Variants in RALYL observed in about 807,000 individuals in gnomAD.
RALYL encodes the protein RALY RNA binding protein like, also known as RNA-binding Raly-like protein.
RALYL carries 29 observed loss-of-function variants against 35.1 expected under a neutral mutation model. The observed-to-expected ratio is 0.83, with a 90% CI of 0.61 to 1.13. RALYL has a LOEUF of 1.13. Among genes scored for constraint, RALYL ranks in the 50% most tolerant of loss-of-function variants. RALYL has a pLI of 0.00. For missense variants in RALYL, 359 were observed against 360.4 expected (o/e 1.00, Z 0.03); for synonymous variants, 120 against 127.6 (o/e 0.94, Z 0.40).
intron 1 of RALYL, among the ~76,000 whole-genome samples, chr8:84,484,263 A>T (rs569335192): frequency 6.6e-6 from 1 of 152,164 alleles, no homozygotes; most frequent in African/African-American, 2.4e-5. Context: ...AAGGCTAGGT[A>T]CTAAGAAAAC....
intron 1 of RALYL, among the ~76,000 whole-genome samples, chr8:84,334,993 T>G (rs1172236541): frequency 6.6e-6 from 1 of 152,142 alleles, no homozygotes; most frequent in Non-Finnish European, 1.5e-5. Flanking sequence ...TTTCCCTCTA[T>G]TGTACTTTAT....
At chr8:84,785,265 G>A (rs1416205452) in intron 3 of RALYL, among the ~76,000 whole-genome samples, 1 of 152,096 alleles carries the variant, frequency 6.6e-6, no homozygotes, top group Non-Finnish European at 1.5e-5. Context: ...CAGTCCTGAA[G>A]ATTTCAGTGT....
At chr8:84,782,015 T>G (rs1174227872) in intron 3 of RALYL, among the ~76,000 whole-genome samples, 3 of 141,838 alleles carry the variant, frequency 2.1e-5, no homozygotes, top group Admixed American at 7.2e-5. Flanking sequence ...AATACGTGCA[T>G]GCTGTGCACA....
rs139880897 is a variant in RALYL, at chr8:84,889,695, T to C, written c.858+1919T>C. Among the ~76,000 whole-genome samples, 943 of 152,256 alleles carry C rather than the reference T, an allele frequency of 6.2e-3. 9 individuals carry two copies. Among genetic ancestry groups the C allele is most frequent in the African/African-American group, 0.021 (889 of 41,548 alleles). Reference sequence around the variant, plus strand: ...GTTTAGTTGCCTATCACCACATAGCTCTCCAATAAACAATTGAAACTTAAC... The same window carrying C: ...GTTTAGTTGCCTATCACCACATAGCCCTCCAATAAACAATTGAAACTTAAC... On this transcript the variant is annotated intron_variant, in intron 8 of 8. Coordinates refer to ENST00000521268, the MANE Select transcript of RALYL (RefSeq NM_173848.7).
intron 1 of RALYL, among the ~76,000 whole-genome samples, chr8:84,216,887 C>T (rs1462438394): frequency 6.6e-6 from 1 of 152,092 alleles, no homozygotes; most frequent in East Asian, 1.9e-4. Context: ...ACATCATTTC[C>T]CTATTTGCTC....
intron 1 of RALYL, among the ~76,000 whole-genome samples, chr8:84,497,999 G>T (rs2056262618): frequency 6.6e-6 from 1 of 151,200 alleles, no homozygotes; most frequent in Non-Finnish European, 1.5e-5. Flanking sequence ...AGAATTGAGG[G>T]TACACATGCA....
chr8:84,792,460 C>T (rs1434175519), intron 3 of RALYL, among the ~76,000 whole-genome samples: 1 of 152,196 alleles, frequency 6.6e-6, no homozygotes, highest in African/African-American at 2.4e-5. Context: ...CCTCTCATCT[C>T]CCCCTGGAGC....
chr8:84,191,361 C>T (rs1254662085), intron 1 of RALYL, among the ~76,000 whole-genome samples: 3 of 152,130 alleles, frequency 2.0e-5, no homozygotes, highest in African/African-American at 7.2e-5. Flanking sequence ...TAATAAAATA[C>T]ACTATAAAGC....
At chr8:84,606,441 CT>C (rs1217912812) in intron 2 of RALYL, among the ~76,000 whole-genome samples, 11 of 152,100 alleles carry the variant, frequency 7.2e-5, no homozygotes, top group Middle Eastern at 3.2e-3. Flanking sequence ...ACTGTCGGTA[CT>C]TTTTTACATT....
rs759404523 is a variant in RALYL at position 84,207,342 on chromosome 8, A to G, written c.-24+22918A>G. On this transcript the variant is annotated intron_variant, in intron 1 of 8. Coordinates refer to ENST00000521268, the MANE Select transcript of RALYL (RefSeq NM_173848.7). The stretch of plus-strand genomic sequence containing the variant: ...TGAAGTATGTTATATATTATGCTGT[A>G]TATAATATACATTGTTATATATCAA... Among the ~76,000 whole-genome samples the G allele has an allele frequency of 1.7e-4, 26 of 152,006 alleles. 1 individual carries two copies. The highest frequency in any genetic ancestry group is 3.2e-3 in the Middle Eastern group (1 of 316).
intron 2 of RALYL, among the ~76,000 whole-genome samples, chr8:84,648,602 A>G (rs1253937988): frequency 6.6e-6 from 1 of 151,998 alleles, no homozygotes; most frequent in African/African-American, 2.4e-5. Flanking sequence ...GTATATCCAC[A>G]TTACTATGCA....
intron 3 of RALYL, among the ~76,000 whole-genome samples, chr8:84,796,873 A>T (rs1822044500): frequency 6.6e-6 from 1 of 152,258 alleles, no homozygotes; most frequent in South Asian, 2.1e-4. Flanking sequence ...GGCCAGATAG[A>T]TGAAATATAT....
At chr8:84,486,609 A>T (rs926560249) in intron 1 of RALYL, among the ~76,000 whole-genome samples, 2 of 152,008 alleles carry the variant, frequency 1.3e-5, no homozygotes, top group Admixed American at 1.3e-4. Flanking sequence ...ATATCAAATA[A>T]GAGATACACA....
At chr8:84,874,486 C>G (rs975326919) in intron 7 of RALYL, among the ~76,000 whole-genome samples, 3 of 152,140 alleles carry the variant, frequency 2.0e-5, no homozygotes, top group Admixed American at 6.6e-5. Flanking sequence ...CTCCTCAGAG[C>G]TTTGTCCCAG....
chr8:84,432,871 C>T (rs933618418), intron 1 of RALYL, among the ~76,000 whole-genome samples: 1 of 152,120 alleles, frequency 6.6e-6, no homozygotes, highest in African/African-American at 2.4e-5. Flanking sequence ...CATGGCCCTA[C>T]TGACATCACA....
intron 1 of RALYL, among the ~76,000 whole-genome samples, chr8:84,340,724 G>T (rs960486104): frequency 6.6e-6 from 1 of 151,964 alleles, no homozygotes; most frequent in African/African-American, 2.4e-5. Context: ...TCATCAGTGG[G>T]TAGTTAAGGT....
At chr8:84,490,099 G>A (rs2055110260) in intron 1 of RALYL, among the ~76,000 whole-genome samples, 1 of 151,254 alleles carries the variant, frequency 6.6e-6, no homozygotes. Context: ...GTGTGTGTGT[G>A]TGTGTGTGTG....
chr8:84,476,463 C>T (rs952161415), intron 1 of RALYL, among the ~76,000 whole-genome samples: 2 of 152,124 alleles, frequency 1.3e-5, no homozygotes, highest in African/African-American at 4.8e-5. Context: ...TTCTTTTTAT[C>T]TTATCAAATT....
At chr8:84,541,071 A>AT (rs1221601615) in intron 2 of RALYL, among the ~76,000 whole-genome samples, 1 of 151,046 alleles carries the variant, frequency 6.6e-6, no homozygotes, top group Non-Finnish European at 1.5e-5. Context: ...GGCTTTGTGT[A>AT]TTTTCTCTAT....
Sources: allele counts gnomAD v4.1 joint callset (sites outside exome capture counted in the v4.1 genomes callset), GRCh38; gene constraint gnomAD v4.1.1; transcripts MANE v1.5; gene names NCBI Gene and HGNC (gene_info 2026-07-23, HGNC 2026-07-21).